The following SMYD3 variants were observed in gnomAD, a reference collection of about 807,000 sequenced individuals.
SMYD3 encodes the protein SET and MYND domain containing 3.
SMYD3 carries 36 observed loss-of-function variants against 57.7 expected under a neutral mutation model. The ratio of observed to expected loss-of-function variants is 0.62; its 90% CI spans 0.48 to 0.82. The LOEUF is 0.82. Ranked by LOEUF, SMYD3 falls within the 40% of genes least tolerant of loss-of-function variation. SMYD3 has a pLI of 0.00. For synonymous variants in SMYD3, 211 were observed against 195.0 expected (o/e 1.08, Z -0.68); for missense variants, 515 against 538.8 (o/e 0.96, Z 0.44).
At chr1:246,304,748 A>C (rs2064952026) in intron 5 of SMYD3, among the ~76,000 whole-genome samples, 1 of 152,196 alleles carries the variant, frequency 6.6e-6, no homozygotes, top group African/African-American at 2.4e-5. Flanking sequence ...TTAAGTTTGA[A>C]CTTAATGTTC....
At chr1:246,083,965 T>A (rs1452214501) in intron 5 of SMYD3, among the ~76,000 whole-genome samples, 1 of 152,168 alleles carries the variant, frequency 6.6e-6, no homozygotes, top group Non-Finnish European at 1.5e-5. Context: ...ACCTTTATAT[T>A]CTTTTAAATA....
intron 5 of SMYD3, among the ~76,000 whole-genome samples, chr1:246,151,613 C>T (rs1007957558): frequency 4.6e-5 from 7 of 152,174 alleles, no homozygotes; most frequent in Non-Finnish European, 7.3e-5. Flanking sequence ...AAATATTTGT[C>T]GATCCTTCCT....
intron 5 of SMYD3, among the ~76,000 whole-genome samples, chr1:246,278,758 A>T (rs937086352): frequency 1.3e-5 from 2 of 152,260 alleles, no homozygotes; most frequent in Non-Finnish European, 2.9e-5. Context: ...CCTGACCCAC[A>T]GAAACCATAC....
chr1:246,385,343 T>C (rs1050014178), intron 1 of SMYD3, among the ~76,000 whole-genome samples: 1 of 152,128 alleles, frequency 6.6e-6, no homozygotes, highest in African/African-American at 2.4e-5. Flanking sequence ...ACTTAGGATA[T>C]ACCCATTTCC....
At chr1:245,894,870 C>G (rs1270637441) in intron 8 of SMYD3, among the ~76,000 whole-genome samples, 1 of 152,170 alleles carries the variant, frequency 6.6e-6, no homozygotes, top group East Asian at 1.9e-4. Flanking sequence ...AAAGGTGAGA[C>G]AGAATTCACG....
In SMYD3 at chr1:246,081,612, T is replaced by A. The variant is rs976755977; in HGVS notation, c.532-151675A>T. 2.6e-5 allele frequency among the ~76,000 whole-genome samples: 4 copies of A among 152,212 alleles called. 1 individual carries two copies. Among genetic ancestry groups the A allele is most frequent in the Admixed American group, 1.3e-4 (2 of 15,284 alleles). ...TTTCGCCATGTTGGCCAGGCTGGTCTCAAACTCCTGCCCTCAAGTGACCTG... is the reference window on the plus strand; with the variant it reads ...TTTCGCCATGTTGGCCAGGCTGGTCACAAACTCCTGCCCTCAAGTGACCTG... On this transcript the variant is annotated intron_variant, in intron 5 of 11. Coordinates refer to ENST00000490107, the MANE Select transcript of SMYD3 (RefSeq NM_001167740.2).
Position 245,799,215 on chromosome 1 carries a change from T to A in SMYD3, c.1077-35066A>T, listed in dbSNP as rs116301440. 2.1e-3 allele frequency among the ~76,000 whole-genome samples: 321 copies of A among 152,262 alleles called. 1 individual carries two copies. Among genetic ancestry groups the A allele is most frequent in the African/African-American group, 7.4e-3 (307 of 41,552 alleles). ...GCCTTCCCTGGTCCTCCTACACAGCTGTGCAAGGAGCACAGCAACAAGAGC... is the reference window on the plus strand; with the variant it reads ...GCCTTCCCTGGTCCTCCTACACAGCAGTGCAAGGAGCACAGCAACAAGAGC... On this transcript the variant is annotated intron_variant, in intron 10 of 11. Transcript: ENST00000490107.
chr1:246,204,669 C>T (rs7531070), intron 5 of SMYD3, among the ~76,000 whole-genome samples: 43,462 of 152,054 alleles, frequency 0.29, 7,642 homozygotes, highest in East Asian at 0.58. Flanking sequence ...CCCCACTTTT[C>T]CTTCAAATGG....
At chr1:245,759,657 C>A (rs1413485800) in intron 11 of SMYD3, among the ~76,000 whole-genome samples, 1 of 152,188 alleles carries the variant, frequency 6.6e-6, no homozygotes, top group Non-Finnish European at 1.5e-5. Context: ...GGACTTGCGG[C>A]CTGGTGCTGT....
intron 5 of SMYD3, among the ~76,000 whole-genome samples, chr1:246,278,290 A>G (rs935702236): frequency 3.3e-5 from 5 of 150,908 alleles, no homozygotes; most frequent in African/African-American, 1.2e-4. Context: ...CCCCTCCCCT[A>G]AGACACCTAG....
At chr1:246,441,881 G>C (rs2067476951) in intron 1 of SMYD3, among the ~76,000 whole-genome samples, 1 of 152,210 alleles carries the variant, frequency 6.6e-6, no homozygotes, top group Non-Finnish European at 1.5e-5. Context: ...CAGGGTGCTG[G>C]GACTACAGGC....
chr1:246,426,811 A>G (rs1345193787), intron 1 of SMYD3, among the ~76,000 whole-genome samples: 1 of 152,202 alleles, frequency 6.6e-6, no homozygotes, highest in African/African-American at 2.4e-5. Context: ...GTTTCTATAT[A>G]TGTCACCACC....
At chr1:246,025,420 A>C (rs1254987993) in intron 5 of SMYD3, among the ~76,000 whole-genome samples, 1 of 152,214 alleles carries the variant, frequency 6.6e-6, no homozygotes, top group Non-Finnish European at 1.5e-5. Flanking sequence ...CCCTCCACCC[A>C]AATGTGTCCC....
intron 5 of SMYD3, among the ~76,000 whole-genome samples, chr1:246,308,680 T>G (rs2065027345): frequency 6.6e-6 from 1 of 152,180 alleles, no homozygotes; most frequent in African/African-American, 2.4e-5. Flanking sequence ...ACTCCAGAAT[T>G]TTATGTTCAG....
chr1:246,103,537 T>C (rs1023337119), intron 5 of SMYD3, among the ~76,000 whole-genome samples: 12 of 152,154 alleles, frequency 7.9e-5, no homozygotes, highest in African/African-American at 2.4e-4. Context: ...CTCAGATTTA[T>C]TCCCTCCTCT....
At chr1:246,169,995 A>G (rs2062300629) in intron 5 of SMYD3, among the ~76,000 whole-genome samples, 1 of 152,060 alleles carries the variant, frequency 6.6e-6, no homozygotes, top group Non-Finnish European at 1.5e-5. Context: ...TTGATTTTCA[A>G]GTTTTGATAA....
rs185142995 is a variant in SMYD3 at position 245,973,991 on chromosome 1, A to C, written c.532-44054T>G. ...TTTGCATTTTAACAAAATCATCATC[A>C]TTAATACCTATGCTTATAGGTCTAA... On this transcript the variant is annotated intron_variant, in intron 5 of 11. Transcript: ENST00000490107. Among the ~76,000 whole-genome samples, 648 of 143,238 alleles carry C rather than the reference A, an allele frequency of 4.5e-3. 3 individuals are homozygous for C. The highest frequency in any genetic ancestry group is 0.018 in the African/African-American group (590 of 33,008). 94.0% of individuals were successfully genotyped at this position (143,238 alleles called of 152,430 possible). A position where few individuals can be genotyped will look rare whatever the true frequency, so the allele number is the denominator to read the frequency against.
chr1:245,931,665 A>AG (rs2056729309), intron 5 of SMYD3, among the ~76,000 whole-genome samples: 2 of 152,214 alleles, frequency 1.3e-5, no homozygotes, highest in African/African-American at 4.8e-5. Flanking sequence ...TAAACATTTG[A>AG]GATGAACCAG....
At chr1:245,983,077 A>G (rs1216458774) in intron 5 of SMYD3, among the ~76,000 whole-genome samples, 5 of 152,164 alleles carry the variant, frequency 3.3e-5, no homozygotes, top group East Asian at 1.9e-4. Context: ...ATGACTTCCA[A>G]CGTGATCTTT....
Sources: gnomAD v4.1 joint callset for allele counts (sites outside exome capture counted in the v4.1 genomes callset) on GRCh38, gnomAD v4.1.1 for gene constraint, MANE v1.5 for transcripts, NCBI Gene and HGNC (gene_info 2026-07-23, HGNC 2026-07-21) for gene names.